The following EDA variants were observed in gnomAD, a reference collection of about 807,000 sequenced individuals.
The protein encoded by EDA is ectodysplasin A.
A neutral mutation model predicts 23.6 loss-of-function variants in EDA; 2 were observed. The ratio of observed to expected loss-of-function variants is 0.08; its 90% CI spans 0.03 to 0.27. EDA has a LOEUF of 0.27. Ranked by LOEUF, EDA falls within the 10% of genes least tolerant of loss-of-function variation. The pLI, the probability that EDA is intolerant of heterozygous loss-of-function variation, is 1.00. For missense variants in EDA, 229 were observed against 324.2 expected (o/e 0.71, Z 2.26); for synonymous variants, 131 against 132.0 (o/e 0.99, Z 0.05).
At chrX:70,034,333 T>C (rs766167770) in intron 7 of EDA, among the ~76,000 whole-genome samples, 1 of 111,858 alleles carries the variant, frequency 8.9e-6, no homozygotes, top group South Asian at 3.8e-4. Flanking sequence ...AAGCATCTGC[T>C]AGGCACACTG....
At chrX:69,625,977 A>G (rs1189014144) in intron 1 of EDA, among the ~76,000 whole-genome samples, 3 of 111,671 alleles carry the variant, frequency 2.7e-5, no homozygotes, top group Non-Finnish European at 5.7e-5. Context: ...TAATAAGACA[A>G]ACCAAACAAA....
At chrX:69,723,396 A>G (rs1289131066) in intron 1 of EDA, among the ~76,000 whole-genome samples, 1 of 112,345 alleles carries the variant, frequency 8.9e-6, no homozygotes. Context: ...ATAAGTTCAC[A>G]GTTATAGAAC....
chrX:69,816,790 G>C (rs538409685), intron 1 of EDA, among the ~76,000 whole-genome samples: 2 of 111,010 alleles, frequency 1.8e-5, no homozygotes, highest in South Asian at 7.8e-4. Flanking sequence ...CATACTTCAG[G>C]ATATCATCCA....
Position 69,995,034 on chromosome X carries a change from T to C in EDA, c.503-28184T>C, listed in dbSNP as rs374308343. On this transcript the variant is annotated intron_variant, in intron 2 of 7. Transcript: ENST00000374552. ...ACTTGGTTAGTAGGTAACAGATTTA[T>C]TGGGCTTGCTCATTTTAAAAATTAA... Among the ~76,000 whole-genome samples the C allele has an allele frequency of 4.2e-3, 467 of 112,229 alleles. 1 individual carries two copies. The highest frequency in any genetic ancestry group is 0.014 in the Middle Eastern group (3 of 218).
chrX:69,921,776 C>G (rs1009754034), intron 1 of EDA, among the ~76,000 whole-genome samples: 1 of 111,522 alleles, frequency 9.0e-6, no homozygotes, highest in Non-Finnish European at 1.9e-5. Flanking sequence ...ATCCTGAGAT[C>G]AATCCCCTGA....
chrX:69,825,396 G>T (rs1370772827), intron 1 of EDA, among the ~76,000 whole-genome samples: 45 of 109,655 alleles, frequency 4.1e-4, no homozygotes, highest in African/African-American at 1.4e-3. Context: ...GGTCTATTCA[G>T]AGATTCAACT....
intron 1 of EDA, among the ~76,000 whole-genome samples, chrX:69,863,567 GTA>G (rs1304681729): frequency 3.2e-5 from 2 of 61,852 alleles, no homozygotes; most frequent in Non-Finnish European, 6.1e-5. Context: ...ATATATGTGT[GTA>G]TATATGTGTG....
chrX:69,635,775 T>G (rs896807006), intron 1 of EDA, among the ~76,000 whole-genome samples: 4 of 109,053 alleles, frequency 3.7e-5, no homozygotes, highest in Non-Finnish European at 7.6e-5. Flanking sequence ...CACCATGTTA[T>G]CCAGGCTGGA....
intron 1 of EDA, among the ~76,000 whole-genome samples, chrX:69,637,854 A>T (rs1932795579): frequency 9.0e-6 from 1 of 110,914 alleles, no homozygotes; most frequent in Non-Finnish European, 1.9e-5. Context: ...ACTGTGCTGT[A>T]CTAAAGAGAC....
intron 1 of EDA, among the ~76,000 whole-genome samples, chrX:69,830,302 A>G (rs1415524159): frequency 8.9e-6 from 1 of 112,022 alleles, no homozygotes; most frequent in Non-Finnish European, 1.9e-5. Flanking sequence ...AAAGCTGTTC[A>G]TGTCCACACC....
intron 1 of EDA, among the ~76,000 whole-genome samples, chrX:69,908,519 C>T (rs763100099): frequency 1.8e-5 from 2 of 108,976 alleles, no homozygotes; most frequent in East Asian, 5.8e-4. Context: ...TTAGAAACAA[C>T]AGATAACATA....
chrX:70,021,914 C>T (rs1162427917), intron 2 of EDA, among the ~76,000 whole-genome samples: 2 of 111,825 alleles, frequency 1.8e-5, no homozygotes, highest in Non-Finnish European at 1.9e-5. Context: ...GATCATTCCA[C>T]GTTTGTTGCA....
chrX:69,787,119 C>T (rs1602407230), intron 1 of EDA, among the ~76,000 whole-genome samples: 1 of 101,233 alleles, frequency 9.9e-6, no homozygotes, highest in East Asian at 3.0e-4. Flanking sequence ...GCAACCCCTG[C>T]CTTTTTTTGT....
At chrX:69,625,501 G>C (rs1932350394) in intron 1 of EDA, among the ~76,000 whole-genome samples, 1 of 110,760 alleles carries the variant, frequency 9.0e-6, no homozygotes, top group Non-Finnish European at 1.9e-5. Context: ...GAACAGGACT[G>C]AGAGGTCAAA....
rs139967054 is a variant in EDA at position 69,813,078 on chromosome X, G to A, written c.397-143949G>A. Among the ~76,000 whole-genome samples the A allele has an allele frequency of 5.5e-3, 613 of 111,117 alleles. 3 individuals are homozygous for A. Among genetic ancestry groups the A allele is most frequent in the South Asian group, 0.022 (57 of 2,590 alleles). Reference sequence around the variant, plus strand: ...TAAAGACCTCAGTTGGGCCCGCAGAGCACCATTCAGTAATCCTTTTATGTG... The same window carrying A: ...TAAAGACCTCAGTTGGGCCCGCAGAACACCATTCAGTAATCCTTTTATGTG... On this transcript the variant is annotated intron_variant, in intron 1 of 7. Coordinates refer to ENST00000374552, the MANE Select transcript of EDA (RefSeq NM_001399.5).
chrX:70,016,620 A>G (rs2019954292), intron 2 of EDA, among the ~76,000 whole-genome samples: 1 of 112,114 alleles, frequency 8.9e-6, no homozygotes, highest in African/African-American at 3.2e-5. Flanking sequence ...CTGCTCCTGA[A>G]TGACTTCTGG....
In EDA at chrX:69,968,234, C is replaced by G. The variant is rs752082691; in HGVS notation, c.502+11102C>G. 2.7e-5 allele frequency among the ~76,000 whole-genome samples: 3 copies of G among 111,957 alleles called. No homozygotes were observed. The East Asian group carries it at 8.4e-4, about 31-fold the overall frequency. ...ATAGAGGAGGGAACCACAGAATGGT[C>G]AACCAAATACATTAAATACATCTCT... On this transcript the variant is annotated intron_variant, in intron 2 of 7. Coordinates refer to ENST00000374552, the MANE Select transcript of EDA (RefSeq NM_001399.5).
chrX:69,829,589 A>G (rs4844099), intron 1 of EDA, among the ~76,000 whole-genome samples: 1 of 110,686 alleles, frequency 9.0e-6, no homozygotes, highest in Non-Finnish European at 1.9e-5. Context: ...GCTTGGTTAC[A>G]TGGGCTTCAT....
chrX:69,974,021 TTAAATA>T (rs1171991408), intron 2 of EDA, among the ~76,000 whole-genome samples: 1 of 107,394 alleles, frequency 9.3e-6, no homozygotes, highest in Non-Finnish European at 1.9e-5. Flanking sequence ...ACAACTAACT[TTAAATA>T]TATATATATA....
Sources: gnomAD v4.1 joint callset for allele counts (sites outside exome capture counted in the v4.1 genomes callset) on GRCh38, gnomAD v4.1.1 for gene constraint, MANE v1.5 for transcripts, NCBI Gene and HGNC (gene_info 2026-07-23, HGNC 2026-07-21) for gene names.